MPV17L2: variants seen among roughly 807,000 people sequenced by gnomAD.
The protein encoded by MPV17L2 is mpv17-like protein 2.
MPV17L2 carries 25 observed loss-of-function variants against 24.2 expected under a neutral mutation model. That is an observed-to-expected ratio of 1.03 (90% CI 0.75 to 1.44). The LOEUF is 1.44. MPV17L2 is among the 40% of genes most tolerant of loss of function. MPV17L2 has a pLI of 0.00. For missense variants in MPV17L2, 271 were observed against 276.2 expected (o/e 0.98, Z 0.13); for synonymous variants, 130 against 121.4 (o/e 1.07, Z -0.46).
intron 2 of MPV17L2, among the ~76,000 whole-genome samples, chr19:18,194,558 C>G (rs1346002078): frequency 2.0e-5 from 3 of 152,260 alleles, no homozygotes; most frequent in African/African-American, 7.2e-5. Context: ...TGTTTATAAC[C>G]TCTCTTTCTC....
Position 18,196,903 on chromosome 19 carries a change from G to A in MPV17L2, c.*848G>A, listed in dbSNP as rs1423160298. ...TCATGAGGTCAGAACAGGTCTGGTGGGCGGGGGGGGGGGGGGTCCCAGGGT... is the reference window on the plus strand; with the variant it reads ...TCATGAGGTCAGAACAGGTCTGGTGAGCGGGGGGGGGGGGGGTCCCAGGGT... On this transcript the variant is annotated 3_prime_UTR_variant, in exon 5 of 5. Transcript: ENST00000599612. 1.5e-5 allele frequency: 2 copies of A among 136,600 alleles called. No individual in the cohort carries two copies. Among genetic ancestry groups the A allele is most frequent in the African/African-American group, 5.6e-5 (2 of 35,860 alleles). The allele number at this position is 136,600 out of a possible 1,614,324, so 8.5% of individuals were successfully genotyped here. A position where few individuals can be genotyped will look rare whatever the true frequency, so the allele number is the denominator to read the frequency against.
chr19:18,195,216 A>C, intron 4 of MPV17L2, 130 bp downstream of exon 4: 2 of 1,407,056 alleles, frequency 1.4e-6, no homozygotes, highest in Non-Finnish European at 1.9e-6. Context: ...CCCACACCCA[A>C]CAGTGGGCTG....
rs751342928 is a variant in MPV17L2, at chr19:18,196,106, C to G, written c.*51C>G. 26 of 1,613,302 alleles carry G rather than the reference C, an allele frequency of 1.6e-5. No homozygotes were observed. The African/African-American group carries it at 2.8e-4, about 17-fold the overall frequency. On this transcript the variant is annotated 3_prime_UTR_variant, in exon 5 of 5. Coordinates refer to ENST00000599612, the MANE Select transcript of MPV17L2 (RefSeq NM_032683.3). ...AAGACTGTCTCCTGGCGGACCACCC[C>G]CTCTGACAGAAGGGGAATGGGCTCC...
Position 18,196,260 on chromosome 19 carries a change from A to G in MPV17L2, c.*205A>G. 2 of 1,517,290 alleles carry G rather than the reference A, an allele frequency of 1.3e-6. No individual in the cohort carries two copies. Among genetic ancestry groups the G allele is most frequent in the Non-Finnish European group, 1.8e-6 (2 of 1,134,898 alleles). 94.0% of individuals were successfully genotyped at this position (1,517,290 alleles called of 1,614,324 possible). On this transcript the variant is annotated 3_prime_UTR_variant, in exon 5 of 5. Coordinates refer to ENST00000599612, the MANE Select transcript of MPV17L2 (RefSeq NM_032683.3). ...AACCGGAACACACCCATGAAGATGGATGATCATCCCCTAGCCCTTCTCAGC... is the reference window on the plus strand; with the variant it reads ...AACCGGAACACACCCATGAAGATGGGTGATCATCCCCTAGCCCTTCTCAGC...
intron 1 of MPV17L2, 135 bp downstream of exon 1, chr19:18,193,603 GTCTGTCTCCCCGCAGC>G (rs1051574365): frequency 1.4e-6 from 2 of 1,404,432 alleles, no homozygotes; most frequent in African/African-American, 2.9e-5. Context: ...CTCCCCGGGT[GTCTGTCTCCCCGCAGC>G]TCTGGGTCTC....
At chr19:18,195,127 A>AG (rs1250612733) in intron 4 of MPV17L2, 41 bp downstream of exon 4, 1 of 1,599,682 alleles carries the variant, frequency 6.3e-7, no homozygotes, top group African/African-American at 1.3e-5. Flanking sequence ...GGGACTCCCC[A>AG]GGGGGCTACA....
chr19:18,195,062 G>T lies in MPV17L2; in HGVS notation c.540G>T (p.Thr180=), dbSNP rs199504179. ...YINGLTLGWD[T]YLSYLKYRSP... Reference sequence around the variant, plus strand: ...ACGGCCTGACGCTGGGCTGGGACACGTACCTGTCCTACTTGAAGTACCGGG... The same window carrying T: ...ACGGCCTGACGCTGGGCTGGGACACTTACCTGTCCTACTTGAAGTACCGGG... Residue 180 remains threonine, a synonymous_variant, in exon 4 of 5, where the codon ACG becomes ACT. Coordinates refer to ENST00000599612, the MANE Select transcript of MPV17L2 (RefSeq NM_032683.3). 2 of 1,614,156 alleles carry T rather than the reference G, an allele frequency of 1.2e-6. No individual in the cohort carries two copies. The highest frequency in any genetic ancestry group is 2.7e-5 in the African/African-American group (2 of 75,042).
rs775360671 is a variant in MPV17L2, at chr19:18,194,854, G to T, written c.435+1G>T. ...GGAGAAGTTCTGGGAATTCTACAAG[G>T]TGGGAGCACCCGCCCCTTGCACATG... On this transcript the variant is annotated splice_donor_variant, in intron 3 of 4. Coordinates refer to ENST00000599612, the MANE Select transcript of MPV17L2 (RefSeq NM_032683.3). LOFTEE classifies it high-confidence loss of function. The T allele has an allele frequency of 3.7e-6, 6 of 1,603,512 alleles. No individual in the cohort carries two copies. The highest frequency in any genetic ancestry group is 4.3e-6 in the Non-Finnish European group (5 of 1,175,818).
chr19:18,193,499 C>T (rs761503681), intron 1 of MPV17L2, 31 bp downstream of exon 1: 5 of 1,452,338 alleles, frequency 3.4e-6, no homozygotes, highest in South Asian at 2.9e-5. Flanking sequence ...AGTCCTTCAC[C>T]CCGGGCGACC....
rs200112446 is a variant in MPV17L2 at position 18,193,471 on chromosome 19, G to T, written c.187+3G>T. 138 of 1,514,338 alleles carry T rather than the reference G, an allele frequency of 9.1e-5. No homozygotes were observed. Among genetic ancestry groups the T allele is most frequent in the Admixed American group, 8.9e-4 (42 of 47,234 alleles). 93.8% of individuals were successfully genotyped at this position (1,514,338 alleles called of 1,614,324 possible). A position where few individuals can be genotyped will look rare whatever the true frequency, so the allele number is the denominator to read the frequency against. ...GGTTTTCGACCCACGGCGCTCCGGT[G>T]AGGACGCCACGCTGCTTAGTCCTTC... On this transcript the variant is annotated splice_donor_region_variant and intron_variant, in intron 1 of 4. Transcript: ENST00000599612.
rs367837296 is a variant in MPV17L2, at chr19:18,194,773, C to T, written c.359-4C>T. On this transcript the variant is annotated splice_polypyrimidine_tract_variant and splice_region_variant and intron_variant, in intron 2 of 4. Coordinates refer to ENST00000599612, the MANE Select transcript of MPV17L2 (RefSeq NM_032683.3). The stretch of plus-strand genomic sequence containing the variant: ...ACACTCTCATTTCTTGGTTTGCTTC[C>T]CAGGCCTTGGCTGCCTGGAGGGTCA... 7.2e-5 allele frequency: 116 copies of T among 1,606,052 alleles called. No individual in the cohort carries two copies. Among genetic ancestry groups the T allele is most frequent in the Non-Finnish European group, 9.2e-5 (108 of 1,177,002 alleles).
chr19:18,193,692 C>G, intron 1 of MPV17L2, 172 bp from the exon 2 acceptor site: 1 of 1,436,022 alleles, frequency 7.0e-7, no homozygotes, highest in Admixed American at 2.9e-5. Flanking sequence ...GCCGCGCCTC[C>G]TGGTGGGGCT....
chr19:18,194,976 C>T lies in MPV17L2; in HGVS notation c.454C>T (p.Pro152Ser). The T allele has an allele frequency of 6.5e-7, 1 of 1,549,982 alleles. No homozygotes were observed. The highest frequency in any genetic ancestry group is 8.7e-7 in the Non-Finnish European group (1 of 1,144,056). ...CCCGCAGGCAGACTGGTGCGTGTGG[C>T]CTGCTGCGCAGTTCGTGAACTTCCT... ...EFYKADWCVW[P>S]AAQFVNFLFV... The change falls in exon 4 of 5, where the codon CCT becomes TCT. Residue 152 changes from proline to serine, a missense_variant. Pro to Ser is a moderately conservative substitution (Grantham distance 74, BLOSUM62 -1). Transcript: ENST00000599612.
In MPV17L2 at chr19:18,196,088, T is replaced by C. The variant is rs760651319; in HGVS notation, c.*33T>C. 6.2e-7 allele frequency: 1 copy of C among 1,613,916 alleles called. No homozygotes were observed. The highest frequency in any genetic ancestry group is 8.5e-7 in the Non-Finnish European group (1 of 1,179,966). ...GCTTCCTGGACCAGATGCAAGACTG[T>C]CTCCTGGCGGACCACCCCCTCTGAC... is the stretch of plus-strand genomic sequence containing the variant. On this transcript the variant is annotated 3_prime_UTR_variant, in exon 5 of 5. Transcript: ENST00000599612.
chr19:18,194,669 C>T (rs1244621033), intron 2 of MPV17L2, 108 bp from the exon 3 acceptor site: 63 of 921,356 alleles, frequency 6.8e-5, no homozygotes, highest in Non-Finnish European at 9.8e-5. Flanking sequence ...GGGTGGGCGG[C>T]GTGGGCTCTC....
At chr19:18,194,089 C>T in intron 2 of MPV17L2, 55 bp downstream of exon 2, 1 of 1,576,278 alleles carries the variant, frequency 6.3e-7, no homozygotes, top group Admixed American at 1.8e-5. Flanking sequence ...AGGGGTGGAG[C>T]CAGCTTTGTG....
In MPV17L2 at chr19:18,193,250, G is replaced by A; in HGVS notation, c.-32G>A. On this transcript the variant is annotated 5_prime_UTR_variant, in exon 1 of 5. Coordinates refer to ENST00000599612, the MANE Select transcript of MPV17L2 (RefSeq NM_032683.3). Reference sequence around the variant, plus strand: ...GACTGGTCGGCGCGGCGAAAGCAGAGCGGCGCGCCGGTTCCTTGGTTCCTG... The same window carrying A: ...GACTGGTCGGCGCGGCGAAAGCAGAACGGCGCGCCGGTTCCTTGGTTCCTG... 1 of 1,450,976 alleles carries A rather than the reference G, an allele frequency of 6.9e-7. No individual in the cohort carries two copies. The highest frequency in any genetic ancestry group is 2.8e-5 in the East Asian group (1 of 36,128). 89.9% of individuals were successfully genotyped at this position (1,450,976 alleles called of 1,614,324 possible).
intron 4 of MPV17L2, among the ~76,000 whole-genome samples, chr19:18,195,609 G>A (rs989065779): frequency 4.3e-4 from 65 of 151,952 alleles, no homozygotes; most frequent in African/African-American, 1.5e-3. Flanking sequence ...CGAGGCAGGC[G>A]GATCACGAGG....
At position 18,195,068 on chromosome 19, in the gene MPV17L2, G is replaced by A; in HGVS notation, c.546G>A (p.Leu182=). The A allele has an allele frequency of 6.2e-7, 1 of 1,614,142 alleles. No homozygotes were observed. The highest frequency in any genetic ancestry group is 8.5e-7 in the Non-Finnish European group (1 of 1,180,026). The change falls in exon 4 of 5, where the codon CTG becomes CTA. Residue 182 remains leucine, a synonymous_variant. Transcript: ENST00000599612. ...TGACGCTGGGCTGGGACACGTACCT[G>A]TCCTACTTGAAGTACCGGGTGAGTG... The part of the protein sequence containing the change: ...NGLTLGWDTY[L]SYLKYRSPVP...
Sources: gnomAD v4.1 joint callset for allele counts (sites outside exome capture counted in the v4.1 genomes callset) on GRCh38, gnomAD v4.1.1 for gene constraint, MANE v1.5 for transcripts, NCBI Gene and HGNC (gene_info 2026-07-23, HGNC 2026-07-21) for gene names.